BIN2: variants seen among roughly 807,000 people sequenced by gnomAD.
BIN2 encodes the protein bridging integrator 2.
BIN2 carries 43 observed loss-of-function variants against 67.9 expected under a neutral mutation model. The ratio of observed to expected loss-of-function variants is 0.63; its 90% CI spans 0.50 to 0.82. The LOEUF is 0.82. Among genes scored for constraint, BIN2 ranks in the 40% least tolerant of loss-of-function variants. The pLI, the probability that BIN2 is intolerant of heterozygous loss-of-function variation, is 0.00. For synonymous variants in BIN2, 244 were observed against 246.8 expected, an observed-to-expected ratio of 0.99 and a Z score of 0.11; for missense variants, 581 against 671.6, an observed-to-expected ratio of 0.87 and a Z score of 1.49.
chr12:51,313,692 G>T, intron 2 of BIN2, 131 bp downstream of exon 2: 2 of 784,812 alleles, frequency 2.5e-6, no homozygotes, highest in Non-Finnish European at 4.3e-6. Flanking sequence ...TCACCCTGTA[G>T]CCCTTAACCC....
At chr12:51,292,375 G>A (rs199646080) in intron 9 of BIN2, 31 bp from the exon 10 acceptor site, 13 of 1,524,156 alleles carry the variant, frequency 8.5e-6, no homozygotes, top group Middle Eastern at 1.7e-4. Context: ...GATTCAGAAC[G>A]GCTAAAAACC....
At chr12:51,320,634 C>CT (rs76824967) in intron 1 of BIN2, among the ~76,000 whole-genome samples, 1,614 of 98,720 alleles carry the variant, frequency 0.016, 9 homozygotes, top group Middle Eastern at 0.028. Context: ...TATCATTATT[C>CT]TTTTTTTTTT....
chr12:51,291,945 T>G lies in BIN2; in HGVS notation c.1161A>C (p.Val387=), dbSNP rs768053983. 1.2e-6 allele frequency: 2 copies of G among 1,614,086 alleles called. No individual in the cohort carries two copies. The highest frequency in any genetic ancestry group is 1.7e-6 in the Non-Finnish European group (2 of 1,180,042). ...CACTTGCGGTGCGGGTTCGGAGGAC[T>G]ACTTCTGTGGCAGATGATGAAGGCT... The part of the protein sequence containing the change: ...SGQPSSSATE[V]VLRTRTASEG... The change falls in exon 10 of 13, where the codon GTA becomes GTC. Residue 387 remains valine (V), a synonymous_variant. Coordinates refer to ENST00000615107, the MANE Select transcript of BIN2 (RefSeq NM_016293.4).
chr12:51,321,975 G>A lies in BIN2; in HGVS notation c.81+2047C>T, dbSNP rs545794986. 7.9e-5 allele frequency among the ~76,000 whole-genome samples: 12 copies of A among 152,276 alleles called. No homozygotes were observed. The East Asian group carries it at 1.9e-3, about 24-fold the overall frequency. ...CATCCCAGGCCATTCCCACCTTATC[G>A]AAGTTCAACCTTTGCCTACCCTTTT... On this transcript the variant is annotated intron_variant, in intron 1 of 12. Transcript: ENST00000615107.
At chr12:51,289,043 C>A (rs548827813) in intron 10 of BIN2, among the ~76,000 whole-genome samples, 1 of 151,992 alleles carries the variant, frequency 6.6e-6, no homozygotes, top group Admixed American at 6.6e-5. Context: ...CCACTGCGCC[C>A]GGCCCTTAGC....
intron 11 of BIN2, among the ~76,000 whole-genome samples, chr12:51,285,826 G>C (rs1945225285): frequency 6.6e-6 from 1 of 151,790 alleles, no homozygotes; most frequent in African/African-American, 2.4e-5. Flanking sequence ...TAGCAAGGCT[G>C]GTCTCAACCT....
At chr12:51,299,130 A>T in intron 7 of BIN2, 73 bp downstream of exon 7, 1 of 1,088,336 alleles carries the variant, frequency 9.2e-7, no homozygotes, top group Non-Finnish European at 1.4e-6. Flanking sequence ...AAACACTTTT[A>T]TCTACTTACT....
intron 2 of BIN2, 56 bp from the exon 3 acceptor site, chr12:51,303,197 C>A (rs915181338): frequency 8.3e-6 from 13 of 1,570,104 alleles, no homozygotes; most frequent in African/African-American, 6.8e-5. Flanking sequence ...AAAAGATGCT[C>A]CAGAGGTCAA....
At chr12:51,304,974 C>T (rs976948291) in intron 2 of BIN2, among the ~76,000 whole-genome samples, 31 of 149,960 alleles carry the variant, frequency 2.1e-4, no homozygotes, top group African/African-American at 4.2e-4. Flanking sequence ...GCTGAGATCA[C>T]GCCACCGTAC....
In BIN2 at chr12:51,299,700, C is replaced by T; in HGVS notation, c.423G>A (p.Lys141=). The T allele has an allele frequency of 6.2e-7, 1 of 1,614,070 alleles. No homozygotes were observed. Among genetic ancestry groups the T allele is most frequent in the Non-Finnish European group, 8.5e-7 (1 of 1,179,992 alleles). Residue 141 remains lysine (K), a synonymous_variant, in exon 6 of 13, where the codon AAG becomes AAA. Coordinates refer to ENST00000615107, the MANE Select transcript of BIN2 (RefSeq NM_016293.4). ...QFSEIKERIA[K]RGRKLVDYDS... is the part of the protein sequence containing the mutation. ...CATAGTCCACGAGTTTCCGACCCCG[C>T]TTGGCAATTCTCTCCTGACCCAGGG...
intron 7 of BIN2, 96 bp downstream of exon 7, chr12:51,299,107 G>A (rs1945649363): frequency 2.3e-6 from 2 of 875,200 alleles, no homozygotes; most frequent in Non-Finnish European, 1.8e-6. Context: ...GGCAGTGTGG[G>A]AATTTAAATC....
At chr12:51,324,593 C>A, upstream of BIN2, 1 of 1,442,790 alleles carries the variant, frequency 6.9e-7, no homozygotes, top group Non-Finnish European at 9.2e-7. Context: ...CAGGTAGGCT[C>A]TAAGCCTGGA....
intron 7 of BIN2, among the ~76,000 whole-genome samples, chr12:51,298,321 G>C (rs778997662): frequency 6.6e-6 from 1 of 152,076 alleles, no homozygotes; most frequent in Non-Finnish European, 1.5e-5. Flanking sequence ...GCAGCGAGCC[G>C]AGATTGTGCC....
rs1484189585 is a variant in BIN2, at chr12:51,324,058, C to T, written c.45G>A (p.Lys15=). The T allele has an allele frequency of 2.5e-6, 4 of 1,613,656 alleles. No individual in the cohort carries two copies. Among genetic ancestry groups the T allele is most frequent in the South Asian group, 1.1e-5 (1 of 91,076 alleles). ...CCCTGCTAAACTTCTTCTGCACCTGCTTGGCGAAGAGGCCGGCCGCGCCGC... is the reference window on the plus strand; with the variant it reads ...CCCTGCTAAACTTCTTCTGCACCTGTTTGGCGAAGAGGCCGGCCGCGCCGC... The part of the protein sequence containing the change: ...KAGGAAGLFA[K]QVQKKFSRAQ... Residue 15 remains lysine, a synonymous_variant, in exon 1 of 13, where the codon AAG becomes AAA. Transcript: ENST00000615107.
intron 12 of BIN2, 52 bp from the exon 13 acceptor site, chr12:51,281,580 A>G (rs1318886735): frequency 6.3e-6 from 10 of 1,584,406 alleles, no homozygotes; most frequent in Admixed American, 1.7e-5. Context: ...CCCACCAACC[A>G]CTTATGGAGG....
intron 2 of BIN2, among the ~76,000 whole-genome samples, chr12:51,304,792 G>T (rs1446613194): frequency 1.3e-5 from 2 of 152,026 alleles, no homozygotes; most frequent in African/African-American, 4.8e-5. Context: ...CGAGGCGGGC[G>T]GATCACGAGG....
intron 2 of BIN2, among the ~76,000 whole-genome samples, chr12:51,312,358 G>T (rs936674623): frequency 6.6e-6 from 1 of 152,184 alleles, no homozygotes; most frequent in African/African-American, 2.4e-5. Context: ...TGTAGCCAAT[G>T]ATAATTATTT....
At chr12:51,307,995 G>A (rs1433660302) in intron 2 of BIN2, among the ~76,000 whole-genome samples, 1 of 152,152 alleles carries the variant, frequency 6.6e-6, no homozygotes, top group Non-Finnish European at 1.5e-5. Context: ...CGAAGATGAA[G>A]TATGAGTGTG....
At chr12:51,324,471 G>A, upstream of BIN2, 1 of 1,519,788 alleles carries the variant, frequency 6.6e-7, no homozygotes, top group Non-Finnish European at 8.8e-7. Flanking sequence ...TGCCACCGCA[G>A]GGTAGAAAAT....
Sources: gnomAD v4.1 joint callset for allele counts (sites outside exome capture counted in the v4.1 genomes callset) on GRCh38, gnomAD v4.1.1 for gene constraint, MANE v1.5 for transcripts, NCBI Gene and HGNC (gene_info 2026-07-23, HGNC 2026-07-21) for gene names.